RAB3IP: variants seen among roughly 807,000 people sequenced by gnomAD.
RAB3IP encodes RAB3A interacting protein, also known as rab-3A-interacting protein.
In RAB3IP, 36 loss-of-function variants were observed where a neutral mutation model predicts 59.1. That is an observed-to-expected ratio of 0.61 (90% CI 0.47 to 0.80). The LOEUF (loss-of-function observed/expected upper bound fraction) is 0.80. Ranked by LOEUF, RAB3IP falls within the 30% of genes least tolerant of loss-of-function variation. The pLI is 0.00. For synonymous variants in RAB3IP, 207 were observed against 191.2 expected, an observed-to-expected ratio of 1.08 and a Z score of -0.68; for missense variants, 511 against 536.0, an observed-to-expected ratio of 0.95 and a Z score of 0.46.
Position 69,751,828 on chromosome 12 carries a change from C to T in RAB3IP, c.-25-3556C>T, listed in dbSNP as rs914847879. Among the ~76,000 whole-genome samples, 4 of 151,954 alleles carry T rather than the reference C, an allele frequency of 2.6e-5. No homozygotes were observed. In the East Asian group the frequency reaches 7.7e-4, roughly 29 times the overall value. On this transcript the variant is annotated intron_variant, in intron 1 of 10. Coordinates refer to ENST00000247833, the MANE Select transcript of RAB3IP (RefSeq NM_022456.5). ...CCATCTCAGTACACAAGTTTATTTG[C>T]TTTATGTTTAGGGATTCTTTTTTAA...
At chr12:69,766,100 G>T (rs1592499035) in intron 3 of RAB3IP, among the ~76,000 whole-genome samples, 1 of 152,106 alleles carries the variant, frequency 6.6e-6, no homozygotes, top group Non-Finnish European at 1.5e-5. Flanking sequence ...GTTGTGTTTT[G>T]CATTGACCTT....
At chr12:69,779,900 G>C (rs1174237888) in intron 3 of RAB3IP, among the ~76,000 whole-genome samples, 1 of 152,124 alleles carries the variant, frequency 6.6e-6, no homozygotes, top group Non-Finnish European at 1.5e-5. Flanking sequence ...CTGAATGCTT[G>C]TGGATGTACA....
chr12:69,801,584 C>CTAGTACTTTTTCT, intron 7 of RAB3IP, 25 bp from the exon 8 acceptor site: 1 of 1,450,778 alleles, frequency 6.9e-7, no homozygotes, highest in Non-Finnish European at 9.6e-7. Context: ...AGTATAGCAT[C>CTAGTACTTTTTCT]TAGTACTTTT....
rs1381735133 is a variant in RAB3IP, at chr12:69,818,476, G to A, written c.*3030G>A. 3 of 151,858 alleles carry A rather than the reference G, an allele frequency of 2.0e-5. No homozygotes were observed. Among genetic ancestry groups the A allele is most frequent in the African/African-American group, 7.3e-5 (3 of 41,334 alleles). 9.4% of individuals were successfully genotyped at this position (151,858 alleles called of 1,614,324 possible). ...AAAAAAAAAAAAAAGTATACCCATG[G>A]GTCAGCAATTTCACTTTTCAGTATA... is the stretch of plus-strand genomic sequence containing the variant. On this transcript the variant is annotated 3_prime_UTR_variant, in exon 11 of 11. Transcript: ENST00000247833.
At chr12:69,810,448 C>A (rs953469831) in intron 8 of RAB3IP, among the ~76,000 whole-genome samples, 2 of 152,190 alleles carry the variant, frequency 1.3e-5, no homozygotes, top group African/African-American at 4.8e-5. Flanking sequence ...CAGAAATCAC[C>A]CGTCTTCTGT....
At chr12:69,813,689 T>C (rs1880780639) in intron 10 of RAB3IP, among the ~76,000 whole-genome samples, 1 of 151,686 alleles carries the variant, frequency 6.6e-6, no homozygotes, top group Admixed American at 6.6e-5. Flanking sequence ...CGAGCACAAA[T>C]GATAGTTTAA....
At chr12:69,783,142 C>T (rs1875031210) in intron 3 of RAB3IP, among the ~76,000 whole-genome samples, 1 of 152,092 alleles carries the variant, frequency 6.6e-6, no homozygotes, top group African/African-American at 2.4e-5. Context: ...ATCTGGATTT[C>T]CCTGGACTAT....
At chr12:69,798,974 T>C (rs1457770944) in intron 6 of RAB3IP, among the ~76,000 whole-genome samples, 2 of 152,218 alleles carry the variant, frequency 1.3e-5, no homozygotes, top group Non-Finnish European at 2.9e-5. Flanking sequence ...GAGTCTTATT[T>C]AGAAGATAAA....
chr12:69,769,592 C>T (rs896068520), intron 3 of RAB3IP, among the ~76,000 whole-genome samples: 1 of 152,164 alleles, frequency 6.6e-6, no homozygotes, highest in Non-Finnish European at 1.5e-5. Flanking sequence ...TTGTGACTTC[C>T]AAGTGGCCAA....
At chr12:69,803,498 T>A (rs11177866) in intron 8 of RAB3IP, among the ~76,000 whole-genome samples, 24,527 of 151,744 alleles carry the variant, frequency 0.16, 2,612 homozygotes, top group Non-Finnish European at 0.23. Flanking sequence ...TTTTAATTTT[T>A]TTATTATTAT....
rs1881362611 is a variant in RAB3IP, at chr12:69,818,421, C to T, written c.*2975C>T. The T allele has an allele frequency of 6.6e-6, 1 of 151,136 alleles. No homozygotes were observed. The highest frequency in any genetic ancestry group is 1.5e-5 in the Non-Finnish European group (1 of 67,896). The allele number at this position is 151,136 out of a possible 1,614,324, so 9.4% of individuals were successfully genotyped here. A position where few individuals can be genotyped will look rare whatever the true frequency, so the allele number is the denominator to read the frequency against. ...TCATGATTGTGCCACTGCACTCTTACCTTGGGTGACAGAGTAAGATCATAC... is the reference window on the plus strand; with the variant it reads ...TCATGATTGTGCCACTGCACTCTTATCTTGGGTGACAGAGTAAGATCATAC... On this transcript the variant is annotated 3_prime_UTR_variant, in exon 11 of 11. Transcript: ENST00000247833.
At chr12:69,759,719 CGG>C (rs1870940650) in intron 3 of RAB3IP, among the ~76,000 whole-genome samples, 20 of 148,058 alleles carry the variant, frequency 1.4e-4, no homozygotes, top group African/African-American at 4.3e-4. Context: ...ACCTCCCTCC[CGG>C]ACGGGGCGGC....
At chr12:69,761,627 AG>A (rs1476902796) in intron 3 of RAB3IP, among the ~76,000 whole-genome samples, 1 of 152,212 alleles carries the variant, frequency 6.6e-6, no homozygotes, top group Non-Finnish European at 1.5e-5. Flanking sequence ...CATGAGGATA[AG>A]GATTGCATAT....
At chr12:69,793,313 A>G (rs995017634) in intron 4 of RAB3IP, among the ~76,000 whole-genome samples, 2 of 152,206 alleles carry the variant, frequency 1.3e-5, no homozygotes, top group Non-Finnish European at 2.9e-5. Flanking sequence ...CTGCAGTGTT[A>G]CAATACTGTA....
chr12:69,797,469 T>TTTTC (rs1251507514), intron 6 of RAB3IP, among the ~76,000 whole-genome samples: 35 of 136,438 alleles, frequency 2.6e-4, no homozygotes, highest in Non-Finnish European at 4.2e-4. Context: ...GTCCTTTTTC[T>TTTTC]TTTCTTTCTT....
intron 1 of RAB3IP, among the ~76,000 whole-genome samples, chr12:69,747,588 A>G (rs1868536893): frequency 6.6e-6 from 1 of 152,224 alleles, no homozygotes; most frequent in Non-Finnish European, 1.5e-5. Context: ...TACAAGAACC[A>G]CTGTGCCTGA....
chr12:69,794,302 A>G (rs1877103515), intron 4 of RAB3IP, 135 bp from the exon 5 acceptor site: 1 of 657,388 alleles, frequency 1.5e-6, no homozygotes, highest in Admixed American at 2.8e-5. Context: ...TGCTGCTTCC[A>G]TAGTTGACAT....
intron 3 of RAB3IP, among the ~76,000 whole-genome samples, chr12:69,784,353 A>G: frequency 6.6e-6 from 1 of 151,784 alleles, no homozygotes; most frequent in African/African-American, 2.4e-5. Flanking sequence ...AATATGCATA[A>G]TTAAATTCCT....
intron 3 of RAB3IP, among the ~76,000 whole-genome samples, chr12:69,779,628 GTT>G (rs1055627929): frequency 7.5e-5 from 11 of 146,192 alleles, no homozygotes; most frequent in African/African-American, 2.8e-4. Flanking sequence ...GGTTAATTCT[GTT>G]GTTGAAGCTC....
Sources: allele counts gnomAD v4.1 joint callset (sites outside exome capture counted in the v4.1 genomes callset), GRCh38; gene constraint gnomAD v4.1.1; transcripts MANE v1.5; gene names NCBI Gene and HGNC (gene_info 2026-07-23, HGNC 2026-07-21).